Variants in SP110 observed in about 807,000 individuals in gnomAD.
SP110 encodes interferon-induced protein 41, 30kD.
In SP110, 62 loss-of-function variants were observed where a neutral mutation model predicts 92.7. The ratio of observed to expected loss-of-function variants is 0.67; its 90% CI spans 0.55 to 0.83. The LOEUF (loss-of-function observed/expected upper bound fraction) is 0.83. Among genes scored for constraint, SP110 ranks in the 40% least tolerant of loss-of-function variants. SP110 has a pLI of 0.00. For synonymous variants in SP110, 273 were observed against 305.3 expected (o/e 0.89, Z 1.10); for missense variants, 793 against 863.9 (o/e 0.92, Z 1.03).
intron 1 of SP110, among the ~76,000 whole-genome samples, chr2:230,217,346 A>G (rs924487290): frequency 7.2e-5 from 11 of 152,114 alleles, no homozygotes; most frequent in African/African-American, 2.7e-4. Flanking sequence ...TCTGGTCCCA[A>G]AGGCATCCTT....
intron 10 of SP110, 31 bp downstream of exon 10, chr2:230,200,854 T>C (rs778860082): frequency 4.6e-5 from 69 of 1,489,934 alleles, no homozygotes; most frequent in Non-Finnish European, 5.8e-5. Context: ...CTGGTGACTG[T>C]ACTCTGAGAC....
At chr2:230,202,174 C>T (rs554074020) in intron 9 of SP110, among the ~76,000 whole-genome samples, 1 of 152,234 alleles carries the variant, frequency 6.6e-6, no homozygotes, top group East Asian at 1.9e-4. Context: ...TTTATGTTAA[C>T]AGGCAATTGG....
chr2:230,215,613 A>T (rs745716273), intron 2 of SP110, among the ~76,000 whole-genome samples: 2 of 152,188 alleles, frequency 1.3e-5, no homozygotes, highest in Admixed American at 6.5e-5. Flanking sequence ...CACCCTGAGA[A>T]TTTTCCTTGC....
chr2:230,187,011 G>A (rs2042392182), intron 10 of SP110, among the ~76,000 whole-genome samples: 1 of 152,112 alleles, frequency 6.6e-6, no homozygotes, highest in Non-Finnish European at 1.5e-5. Flanking sequence ...CCTTTGGGTT[G>A]ATACCTAGTA....
intron 18 of SP110, 47 bp from the exon 19 acceptor site, chr2:230,169,284 C>T (rs777357004): frequency 1.0e-5 from 11 of 1,060,464 alleles, no homozygotes; most frequent in Admixed American, 5.1e-5. Flanking sequence ...TGAAGGATTA[C>T]AGCCATCAAA....
upstream of SP110, among the ~76,000 whole-genome samples, chr2:230,220,897 A>C (rs183628561): frequency 3.9e-5 from 6 of 152,248 alleles, no homozygotes; most frequent in East Asian, 9.6e-4. Flanking sequence ...TTGTAGTCCT[A>C]GTTAGTGAGG....
intron 10 of SP110, among the ~76,000 whole-genome samples, chr2:230,193,915 C>G (rs560366315): frequency 6.6e-6 from 1 of 152,142 alleles, no homozygotes; most frequent in Admixed American, 6.5e-5. Context: ...CAAAAATTAC[C>G]TGTACCTATC....
intron 15 of SP110, 137 bp downstream of exon 15, chr2:230,172,707 C>T (rs1320410620): frequency 3.1e-6 from 2 of 648,652 alleles, no homozygotes; most frequent in Non-Finnish European, 5.6e-6. Flanking sequence ...CTGGCAGTCT[C>T]AGAGACCCAG....
At chr2:230,197,503 C>T (rs1176825584) in intron 10 of SP110, among the ~76,000 whole-genome samples, 2 of 147,672 alleles carry the variant, frequency 1.4e-5, no homozygotes, top group African/African-American at 5.0e-5. Context: ...TGCCTGTTCA[C>T]TCTGATGGTA....
At chr2:230,217,944 GA>G (rs1317798363) in intron 1 of SP110, among the ~76,000 whole-genome samples, 1 of 152,200 alleles carries the variant, frequency 6.6e-6, no homozygotes, top group Admixed American at 6.5e-5. Context: ...TGAGGGCTGA[GA>G]AAGGCATACT....
intron 8 of SP110, chr2:230,203,401 ACACAGAGTGTG>A (rs918467584): frequency 6.4e-6 from 1 of 155,438 alleles, no homozygotes; most frequent in African/African-American, 2.4e-5. Context: ...GTTAGAAAGG[ACACAGAGTGTG>A]CAGCCATGCT....
At chr2:230,191,355 GT>G (rs1318495941) in intron 10 of SP110, among the ~76,000 whole-genome samples, 1 of 152,018 alleles carries the variant, frequency 6.6e-6, no homozygotes, top group African/African-American at 2.4e-5. Flanking sequence ...CCAGGAGCTG[GT>G]TTTTTGAAAA....
At chr2:230,192,426 C>T (rs2042677536) in intron 10 of SP110, among the ~76,000 whole-genome samples, 1 of 152,198 alleles carries the variant, frequency 6.6e-6, no homozygotes, top group Admixed American at 6.5e-5. Flanking sequence ...TGATAAGCAA[C>T]TTCAACAAAG....
Position 230,211,587 on chromosome 2 carries a change from G to C in SP110, c.668-34C>G. 7.9e-7 allele frequency: 1 copy of C among 1,269,118 alleles called. No homozygotes were observed. Among genetic ancestry groups the C allele is most frequent in the Non-Finnish European group, 1.2e-6 (1 of 864,992 alleles). The allele number at this position is 1,269,118 out of a possible 1,614,324, so 78.6% of individuals were successfully genotyped here. On this transcript the variant is annotated intron_variant, in intron 5 of 18. Coordinates refer to ENST00000258381, the MANE Select transcript of SP110 (RefSeq NM_080424.4). This position sits in a 1 kb window ranked among gnomAD's most constrained non-coding sequence, Gnocchi z 4.2. Reference sequence around the variant, plus strand: ...AGGAAGAAAAAGTTTTAGATCTCAGGAACAGCAAGCAGGGACCAGAATGAG... The same window carrying C: ...AGGAAGAAAAAGTTTTAGATCTCAGCAACAGCAAGCAGGGACCAGAATGAG...
In SP110 at chr2:230,211,165, G is replaced by A. The variant is rs898990282; in HGVS notation, c.751+305C>T. ...GCAGGTGAATGTTTCCCTTTCAGGC[G>A]CTTTGTGGCATTTGGAGTCCAAACC... On this transcript the variant is annotated intron_variant, in intron 6 of 18. Transcript: ENST00000258381. The surrounding 1 kb of genome is among the most constrained non-coding windows in gnomAD (Gnocchi z 4.2). Among the ~76,000 whole-genome samples the A allele has an allele frequency of 4.6e-5, 7 of 152,138 alleles. No individual in the cohort carries two copies. The highest frequency in any genetic ancestry group is 1.9e-4 in the East Asian group (1 of 5,186).
intron 10 of SP110, among the ~76,000 whole-genome samples, chr2:230,190,975 A>G (rs4973294): frequency 0.76 from 116,256 of 152,142 alleles, 44,550 homozygotes; most frequent in Admixed American, 0.83. Context: ...CGTATTGTTC[A>G]AAGTCAGGTA....
intron 10 of SP110, among the ~76,000 whole-genome samples, chr2:230,196,656 A>G (rs1455469619): frequency 6.6e-6 from 1 of 151,938 alleles, no homozygotes; most frequent in Non-Finnish European, 1.5e-5. Flanking sequence ...CTCGTCATTT[A>G]GCATTAGGTA....
intron 12 of SP110, among the ~76,000 whole-genome samples, chr2:230,178,643 A>T (rs1039437049): frequency 2.0e-5 from 3 of 152,178 alleles, no homozygotes; most frequent in Non-Finnish European, 4.4e-5. Context: ...CTTCATTTAT[A>T]ATCTTATTTC....
intron 10 of SP110, among the ~76,000 whole-genome samples, chr2:230,189,797 G>A (rs541936335): frequency 6.6e-6 from 1 of 152,198 alleles, no homozygotes; most frequent in South Asian, 2.1e-4. Context: ...TGCGGTGTTT[G>A]GTTTTCTGTT....
Sources: allele counts gnomAD v4.1 joint callset (sites outside exome capture counted in the v4.1 genomes callset), GRCh38; gene constraint gnomAD v4.1.1; non-coding constraint Gnocchi (gnomAD v3.1); transcripts MANE v1.5; gene names NCBI Gene and HGNC (gene_info 2026-07-23, HGNC 2026-07-21).